Variants in SEC31A observed in about 807,000 individuals in gnomAD.
SEC31A encodes the protein protein transport protein Sec31A.
A neutral mutation model predicts 151.0 loss-of-function variants in SEC31A; 70 were observed. The observed-to-expected ratio is 0.46, with a 90% CI of 0.38 to 0.57. The LOEUF is 0.57. Ranked by LOEUF, SEC31A falls within the 20% of genes least tolerant of loss-of-function variation. SEC31A has a pLI of 0.00. For synonymous variants in SEC31A, 475 were observed against 505.9 expected, an observed-to-expected ratio of 0.94 and a Z score of 0.82; for missense variants, 1,330 against 1,471.2, an observed-to-expected ratio of 0.90 and a Z score of 1.57.
At chr4:82,896,499 C>T (rs1371842430) in intron 3 of SEC31A, among the ~76,000 whole-genome samples, 2 of 152,100 alleles carry the variant, frequency 1.3e-5, no homozygotes, top group East Asian at 1.9e-4. Context: ...ATTACAGGTG[C>T]GAGCCACCAT....
chr4:82,882,060 G>T, intron 1 of SEC31A, 120 bp from the exon 2 acceptor site: 1 of 748,290 alleles, frequency 1.3e-6, no homozygotes, highest in Non-Finnish European at 2.3e-6. Flanking sequence ...ATGCCCAACT[G>T]CAAATAAATC....
chr4:82,841,284 T>C (rs942362204), intron 22 of SEC31A, among the ~76,000 whole-genome samples: 3 of 150,382 alleles, frequency 2.0e-5, no homozygotes, highest in Admixed American at 6.6e-5. Flanking sequence ...TTAGCTGGGC[T>C]TGGTGGTGCA....
chr4:82,836,981 C>T (rs1300343106), intron 22 of SEC31A, among the ~76,000 whole-genome samples: 1 of 151,194 alleles, frequency 6.6e-6, no homozygotes, highest in Non-Finnish European at 1.5e-5. Flanking sequence ...TACCATTTAC[C>T]CTGATGTGAT....
At position 82,837,196 on chromosome 4, in the gene SEC31A, T is replaced by C. The variant is rs1180170080; in HGVS notation, c.2968+4944A>G. Among the ~76,000 whole-genome samples, 5 of 61,562 alleles carry C rather than the reference T, an allele frequency of 8.1e-5. 1 individual carries two copies. Among genetic ancestry groups the C allele is most frequent in the Non-Finnish European group, 2.3e-4 (5 of 21,636 alleles). 40.4% of individuals were successfully genotyped at this position (61,562 alleles called of 152,430 possible). ...ATATATATATATATATATATATATATATAATTTCACCACAATAAAAACTTT... is the reference window on the plus strand; with the variant it reads ...ATATATATATATATATATATATATACATAATTTCACCACAATAAAAACTTT... On this transcript the variant is annotated intron_variant, in intron 22 of 26. Transcript: ENST00000395310.
chr4:82,883,917 G>T (rs1309476571), intron 1 of SEC31A, among the ~76,000 whole-genome samples: 4 of 150,748 alleles, frequency 2.7e-5, no homozygotes, highest in Non-Finnish European at 5.9e-5. Context: ...ATGACTATGG[G>T]TAAACATATT....
intron 22 of SEC31A, among the ~76,000 whole-genome samples, chr4:82,836,473 G>A (rs550153965): frequency 6.6e-5 from 10 of 151,728 alleles, no homozygotes; most frequent in African/African-American, 2.4e-4. Flanking sequence ...TAGACAAAGT[G>A]TCTATCGGCA....
chr4:82,867,923 G>A (rs760361900), intron 8 of SEC31A, among the ~76,000 whole-genome samples: 5 of 152,296 alleles, frequency 3.3e-5, no homozygotes, highest in Non-Finnish European at 7.3e-5. Flanking sequence ...GTGAGCCACC[G>A]CACCCGGCCT....
upstream of SEC31A, chr4:82,891,234 G>A (rs529481038): frequency 4.1e-6 from 6 of 1,453,230 alleles, no homozygotes; most frequent in Non-Finnish European, 2.8e-6. Flanking sequence ...CACGCCCTGC[G>A]CCCAACACTT....
upstream of SEC31A, chr4:82,894,109 C>T (rs1464728898): frequency 2.0e-5 from 3 of 152,126 alleles, no homozygotes; most frequent in Non-Finnish European, 4.4e-5. Flanking sequence ...GAAGCTTTGG[C>T]TAAGTTTCTC....
intron 8 of SEC31A, among the ~76,000 whole-genome samples, chr4:82,869,702 T>G (rs1356073899): frequency 6.6e-6 from 1 of 152,176 alleles, no homozygotes; most frequent in Non-Finnish European, 1.5e-5. Context: ...TCTATATTGT[T>G]ACATCCACAA....
chr4:82,881,736 A>G, intron 2 of SEC31A, 122 bp downstream of exon 2: 1 of 718,774 alleles, frequency 1.4e-6, no homozygotes, highest in Non-Finnish European at 2.5e-6. Context: ...GGCTGATAGA[A>G]TGTCAGTAAC....
Position 82,874,749 on chromosome 4 carries a change from C to G in SEC31A, c.501G>C (p.Pro167=). 1.2e-6 allele frequency: 2 copies of G among 1,601,576 alleles called. No individual in the cohort carries two copies. The highest frequency in any genetic ancestry group is 2.3e-5 in the South Asian group (2 of 87,898). ...TPMTPGAKTQ[P]PEDISCIAWN... is the part of the protein sequence containing the mutation. Reference sequence around the variant, plus strand: ...ATGCAATGCAGCTGATATCTTCTGGCGGCTACAAGGAAGAAACAGTTAATA... The same window carrying G: ...ATGCAATGCAGCTGATATCTTCTGGGGGCTACAAGGAAGAAACAGTTAATA... Residue 167 remains proline (P), a splice_region_variant and synonymous_variant, in exon 6 of 27, where the codon CCG becomes CCC. Coordinates refer to ENST00000395310, the MANE Select transcript of SEC31A (RefSeq NM_001077207.4).
intron 3 of SEC31A, among the ~76,000 whole-genome samples, chr4:82,898,702 C>T (rs1183283567): frequency 6.6e-6 from 1 of 152,154 alleles, no homozygotes; most frequent in Non-Finnish European, 1.5e-5. Context: ...TAAGAAAAGG[C>T]AAACACCACG....
intron 5 of SEC31A, among the ~76,000 whole-genome samples, chr4:82,875,487 C>T (rs1251784386): frequency 6.6e-6 from 1 of 152,050 alleles, no homozygotes; most frequent in Admixed American, 6.6e-5. Context: ...TACTGTATGC[C>T]TAGTACAATG....
chr4:82,880,994 T>C, intron 2 of SEC31A, 72 bp from the exon 3 acceptor site: 1 of 1,331,644 alleles, frequency 7.5e-7, no homozygotes. Context: ...AAAACAGAAG[T>C]TAAAAGCATG....
intron 18 of SEC31A, among the ~76,000 whole-genome samples, chr4:82,853,003 C>T (rs921597449): frequency 8.5e-5 from 13 of 152,232 alleles, no homozygotes; most frequent in African/African-American, 3.1e-4. Flanking sequence ...AATGCCACCA[C>T]TGATGTGAAA....
chr4:82,874,813 T>C lies in SEC31A; in HGVS notation c.499-62A>G, dbSNP rs941454735. On this transcript the variant is annotated intron_variant, in intron 5 of 26. Transcript: ENST00000395310. ...TCTCTATTATAATCAAATTTAACTG[T>C]AAAATTGGATCCTTCATTTTGAAAA... 6 of 1,544,606 alleles carry C rather than the reference T, an allele frequency of 3.9e-6. No individual in the cohort carries two copies. In the Admixed American group the frequency reaches 1.4e-4, roughly 35 times the overall value.
chr4:82,857,640 T>C, intron 15 of SEC31A, 49 bp downstream of exon 15: 1 of 1,206,036 alleles, frequency 8.3e-7, no homozygotes, highest in Non-Finnish European at 1.2e-6. Flanking sequence ...GAACTATTTG[T>C]TTTCCAATGG....
At chr4:82,871,255 A>C in intron 7 of SEC31A, 1 of 1,326,552 alleles carries the variant, frequency 7.5e-7, no homozygotes, top group Non-Finnish European at 9.8e-7. Context: ...AAGTTATCTA[A>C]CTATATGCAC....
Sources: allele counts gnomAD v4.1 joint callset (sites outside exome capture counted in the v4.1 genomes callset), GRCh38; gene constraint gnomAD v4.1.1; transcripts MANE v1.5; gene names NCBI Gene and HGNC (gene_info 2026-07-23, HGNC 2026-07-21).